Variants in TMEM132B observed in about 807,000 individuals in gnomAD.
TMEM132B encodes transmembrane protein 132B.
In TMEM132B, 18 loss-of-function variants were observed where a neutral mutation model predicts 90.8. The ratio of observed to expected loss-of-function variants is 0.20; its 90% CI spans 0.14 to 0.29. The LOEUF (loss-of-function observed/expected upper bound fraction) is 0.29, where lower values mean the gene tolerates loss of function less well. Ranked by LOEUF, TMEM132B falls within the 10% of genes least tolerant of loss-of-function variation. The pLI is 1.00. For synonymous variants in TMEM132B, 504 were observed against 523.3 expected (o/e 0.96, Z 0.50); for missense variants, 1,096 against 1,326.8 (o/e 0.83, Z 2.70).
At chr12:125,622,047 G>T (rs1886126001) in intron 5 of TMEM132B, among the ~76,000 whole-genome samples, 2 of 152,258 alleles carry the variant, frequency 1.3e-5, no homozygotes, top group South Asian at 4.2e-4. Flanking sequence ...GCAGCAGTGG[G>T]CTCAGCTGAG....
chr12:125,241,810 G>T (rs1874075270), intron 1 of TMEM132B, among the ~76,000 whole-genome samples: 3 of 152,190 alleles, frequency 2.0e-5, no homozygotes, highest in African/African-American at 7.2e-5. Context: ...TGCTATAGAT[G>T]TGTATGAATA....
chr12:125,197,301 T>G (rs544107017), intron 1 of TMEM132B, among the ~76,000 whole-genome samples: 1 of 152,298 alleles, frequency 6.6e-6, no homozygotes, highest in African/African-American at 2.4e-5. Context: ...GGTACAGGTG[T>G]TTTTGTTTTA....
At chr12:125,379,660 A>G (rs1878610596) in intron 2 of TMEM132B, among the ~76,000 whole-genome samples, 1 of 152,206 alleles carries the variant, frequency 6.6e-6, no homozygotes, top group African/African-American at 2.4e-5. Context: ...TTGGAAAATA[A>G]TAGAGTCCCC....
At chr12:125,435,249 A>G (rs1286512355) in intron 3 of TMEM132B, among the ~76,000 whole-genome samples, 1 of 152,210 alleles carries the variant, frequency 6.6e-6, no homozygotes, top group Non-Finnish European at 1.5e-5. Context: ...TTATGTCTGT[A>G]TGAATAAACA....
intron 1 of TMEM132B, among the ~76,000 whole-genome samples, chr12:125,207,365 C>T (rs957305797): frequency 2.6e-5 from 4 of 152,282 alleles, no homozygotes; most frequent in African/African-American, 9.6e-5. Context: ...ATTGTAGCCC[C>T]TGCTGTCAGG....
chr12:125,494,200 A>T (rs1882449171), intron 3 of TMEM132B, among the ~76,000 whole-genome samples: 1 of 131,346 alleles, frequency 7.6e-6, no homozygotes, highest in South Asian at 2.8e-4. Context: ...CCTCCCTGGA[A>T]ATGGATGCGT....
intron 3 of TMEM132B, among the ~76,000 whole-genome samples, chr12:125,466,680 C>T (rs1027157993): frequency 2.0e-5 from 3 of 152,228 alleles, no homozygotes; most frequent in Non-Finnish European, 4.4e-5. Context: ...AATATCAAAA[C>T]CTGAGCAATG....
At chr12:125,308,246 T>G (rs1876042510) in intron 1 of TMEM132B, among the ~76,000 whole-genome samples, 1 of 151,732 alleles carries the variant, frequency 6.6e-6, no homozygotes, top group Non-Finnish European at 1.5e-5. Context: ...CTTTACATAA[T>G]ATTTTTGCAA....
chr12:125,245,319 G>A (rs1309558923), intron 1 of TMEM132B, among the ~76,000 whole-genome samples: 1 of 147,620 alleles, frequency 6.8e-6, no homozygotes, highest in South Asian at 2.2e-4. Context: ...TGCTACTCTG[G>A]CCCCCACCAT....
At chr12:125,532,343 A>G (rs1481337634) in intron 4 of TMEM132B, among the ~76,000 whole-genome samples, 1 of 152,156 alleles carries the variant, frequency 6.6e-6, no homozygotes, top group East Asian at 1.9e-4. Context: ...ATTAATATCT[A>G]TGACCTGTCT....
intron 4 of TMEM132B, among the ~76,000 whole-genome samples, chr12:125,533,719 G>T (rs1335803351): frequency 6.6e-6 from 1 of 152,180 alleles, no homozygotes; most frequent in African/African-American, 2.4e-5. Flanking sequence ...CTGACTGGCT[G>T]CGTCCTCAGG....
At chr12:125,271,176 C>T (rs11058112) in intron 1 of TMEM132B, among the ~76,000 whole-genome samples, 24,179 of 151,878 alleles carry the variant, frequency 0.16, 2,455 homozygotes, top group African/African-American at 0.29. Flanking sequence ...ACTATGTCGC[C>T]TACGCTGGTC....
chr12:125,477,223 T>A (rs1486151754), intron 3 of TMEM132B, among the ~76,000 whole-genome samples: 2 of 152,200 alleles, frequency 1.3e-5, no homozygotes. Flanking sequence ...TATATTCCCT[T>A]TTTTAAGAGT....
rs181165122 is a variant in TMEM132B, at chr12:125,585,494, C to T, written c.1437+1500C>T. Reference sequence around the variant, plus strand: ...CCCATGTCATTCTAGAAAGGAGACACTGATAAGAGATGGTATCTGTATGCT... The same window carrying T: ...CCCATGTCATTCTAGAAAGGAGACATTGATAAGAGATGGTATCTGTATGCT... On this transcript the variant is annotated intron_variant, in intron 5 of 8. Coordinates refer to ENST00000682704, the MANE Select transcript of TMEM132B (RefSeq NM_001366854.1). The T allele has an allele frequency of 3.3e-5, 5 of 152,300 alleles. No homozygotes were observed. The East Asian group carries it at 7.7e-4, about 23-fold the overall frequency. 9.4% of individuals were successfully genotyped at this position (152,300 alleles called of 1,614,324 possible). A position where few individuals can be genotyped will look rare whatever the true frequency, so the allele number is the denominator to read the frequency against.
intron 1 of TMEM132B, among the ~76,000 whole-genome samples, chr12:125,324,379 G>A (rs1419901395): frequency 2.0e-5 from 3 of 152,198 alleles, no homozygotes; most frequent in African/African-American, 4.8e-5. Context: ...GTCACGTCAC[G>A]CGTGTGCAGG....
intron 3 of TMEM132B, among the ~76,000 whole-genome samples, chr12:125,491,341 G>C (rs1216511344): frequency 6.6e-6 from 1 of 151,404 alleles, no homozygotes; most frequent in Non-Finnish European, 1.5e-5. Context: ...TGTTGCCCAG[G>C]CTTACTAATC....
chr12:125,353,744 C>T (rs573613379), intron 2 of TMEM132B, among the ~76,000 whole-genome samples: 2 of 152,232 alleles, frequency 1.3e-5, no homozygotes, highest in East Asian at 3.9e-4. Flanking sequence ...CAGCTCACTG[C>T]CTCTAACAGA....
intron 3 of TMEM132B, among the ~76,000 whole-genome samples, chr12:125,466,491 C>A (rs1266921428): frequency 6.6e-6 from 1 of 152,216 alleles, no homozygotes; most frequent in Admixed American, 6.5e-5. Context: ...CTCTGTGAGG[C>A]TTTCATTCCT....
At chr12:125,344,944 A>G (rs1005388027) in intron 1 of TMEM132B, among the ~76,000 whole-genome samples, 3 of 152,128 alleles carry the variant, frequency 2.0e-5, no homozygotes, top group Admixed American at 2.0e-4. Context: ...GATGACATTT[A>G]CTGCACCAAC....
Sources: allele counts gnomAD v4.1 joint callset (sites outside exome capture counted in the v4.1 genomes callset), GRCh38; gene constraint gnomAD v4.1.1; transcripts MANE v1.5; gene names NCBI Gene and HGNC (gene_info 2026-07-23, HGNC 2026-07-21).